The following FADS2 variants were observed in gnomAD, a reference collection of about 807,000 sequenced individuals.
FADS2 encodes the protein acyl-CoA 6-desaturase.
FADS2 carries 18 observed loss-of-function variants against 61.2 expected under a neutral mutation model. That is an observed-to-expected ratio of 0.29 (90% CI 0.20 to 0.44). The LOEUF is 0.44. Among genes scored for constraint, FADS2 ranks in the 20% least tolerant of loss-of-function variants. The pLI is 1.00. For missense variants in FADS2, 322 were observed against 572.7 expected, an observed-to-expected ratio of 0.56 and a Z score of 4.47; for synonymous variants, 203 against 223.9, an observed-to-expected ratio of 0.91 and a Z score of 0.83.
At chr11:61,828,176 G>C, upstream of FADS2, 1 of 1,413,628 alleles carries the variant, frequency 7.1e-7, no homozygotes, top group Non-Finnish European at 9.2e-7. This position sits in a 1 kb window ranked among gnomAD's most constrained non-coding sequence, Gnocchi z 6.4. Context: ...GGGGGCACTG[G>C]GAAGCCAGGG....
Position 61,857,037 on chromosome 11 carries a change from G to A in FADS2, c.771G>A (p.Leu257=). Residue 257 remains leucine, a synonymous_variant, in exon 6 of 12, where the codon CTG becomes CTA. Coordinates refer to ENST00000278840, the MANE Select transcript of FADS2 (RefSeq NM_004265.4). ...IEYGKKKLKY[L]PYNHQHEYFF... ...ACGGCAAGAAGAAGCTGAAATACCT[G>A]CCCTACAATCACCAGCACGAATACT... The A allele has an allele frequency of 6.2e-7, 1 of 1,614,042 alleles. No homozygotes were observed.
chr11:61,861,523 A>C (rs996789534), intron 7 of FADS2, among the ~76,000 whole-genome samples: 1 of 151,818 alleles, frequency 6.6e-6, no homozygotes, highest in Non-Finnish European at 1.5e-5. Context: ...TTTTGTTTCC[A>C]TATATGTGTA....
intron 7 of FADS2, chr11:61,862,004 G>A (rs1410160998): frequency 6.6e-6 from 1 of 152,244 alleles, no homozygotes; most frequent in African/African-American, 2.4e-5. Flanking sequence ...CAGTCCCTTG[G>A]CCTCACCTTC....
chr11:61,836,392 C>T (rs1257006328), intron 1 of FADS2, among the ~76,000 whole-genome samples: 3 of 150,722 alleles, frequency 2.0e-5, no homozygotes, highest in Admixed American at 2.0e-4. Flanking sequence ...GCCACTGTGC[C>T]CGGCCTGTTT....
chr11:61,829,880 C>T (rs1257523034), intron 1 of FADS2, among the ~76,000 whole-genome samples: 2 of 152,132 alleles, frequency 1.3e-5, no homozygotes, highest in Non-Finnish European at 2.9e-5. Flanking sequence ...GACCAGGCCA[C>T]CATAACCCAA....
At chr11:61,853,347 T>C (rs1348647896) in intron 5 of FADS2, among the ~76,000 whole-genome samples, 2 of 130,724 alleles carry the variant, frequency 1.5e-5, no homozygotes, top group Non-Finnish European at 3.3e-5. Flanking sequence ...CTTCTTTCTT[T>C]CTAATCTGGA....
intron 4 of FADS2, among the ~76,000 whole-genome samples, chr11:61,844,129 TTAAAG>T (rs1158614948): frequency 2.0e-5 from 3 of 152,210 alleles, no homozygotes; most frequent in African/African-American, 2.4e-5. Context: ...TTCCAGAGGA[TTAAAG>T]TAGTTAAAAA....
At chr11:61,862,567 C>T in intron 7 of FADS2, 1 of 234,214 alleles carries the variant, frequency 4.3e-6, no homozygotes, top group South Asian at 5.8e-5. Context: ...GAAGGAGATG[C>T]CAGGAGGAGA....
chr11:61,822,817 A>G (rs1197203482), intron 1 of FADS2, among the ~76,000 whole-genome samples: 2 of 152,226 alleles, frequency 1.3e-5, no homozygotes, highest in African/African-American at 4.8e-5. Context: ...CTCCCAATAT[A>G]CTTAACTTTT....
intron 1 of FADS2, among the ~76,000 whole-genome samples, chr11:61,832,185 G>GAATCA (rs2067136457): frequency 6.6e-6 from 1 of 152,178 alleles, no homozygotes; most frequent in Non-Finnish European, 1.5e-5. Context: ...TGACCTCTTA[G>GAATCA]AATCAAGGGA....
chr11:61,860,921 T>C (rs771332873), intron 7 of FADS2, among the ~76,000 whole-genome samples: 1 of 150,238 alleles, frequency 6.7e-6, no homozygotes, highest in Admixed American at 6.6e-5. Context: ...AAAATAAAAG[T>C]TGGGCCAGGG....
At chr11:61,834,857 C>T (rs1344447816) in intron 1 of FADS2, among the ~76,000 whole-genome samples, 1 of 151,958 alleles carries the variant, frequency 6.6e-6, no homozygotes, top group Non-Finnish European at 1.5e-5. Flanking sequence ...CAGGGCCTTG[C>T]TCATTTTGCA....
intron 7 of FADS2, among the ~76,000 whole-genome samples, chr11:61,859,582 C>T (rs765832821): frequency 1.3e-5 from 2 of 152,212 alleles, no homozygotes; most frequent in Non-Finnish European, 2.9e-5. Context: ...ATGAATGGCT[C>T]CATCATCCAC....
At chr11:61,826,603 A>C, upstream of FADS2, 1 of 581,224 alleles carries the variant, frequency 1.7e-6, no homozygotes, top group South Asian at 2.1e-5. Context: ...GTCTTGCTTC[A>C]TCCTCTTATT....
chr11:61,837,292 A>G (rs1213150249), intron 1 of FADS2, among the ~76,000 whole-genome samples: 1 of 152,202 alleles, frequency 6.6e-6, no homozygotes, highest in East Asian at 1.9e-4. Flanking sequence ...ACTTCATCAC[A>G]GCACATTTCC....
chr11:61,861,781 C>G (rs1321109527), intron 7 of FADS2, among the ~76,000 whole-genome samples: 1 of 152,234 alleles, frequency 6.6e-6, no homozygotes, highest in African/African-American at 2.4e-5. Context: ...AGATTCCCCA[C>G]AGCCAAGCAG....
chr11:61,846,520 C>G (rs1365394553), intron 4 of FADS2: 1 of 151,986 alleles, frequency 6.6e-6, no homozygotes, highest in Non-Finnish European at 1.5e-5. Context: ...TGTTCCCACC[C>G]ATGGCTATTA....
chr11:61,853,311 C>T (rs2067326804), intron 5 of FADS2, among the ~76,000 whole-genome samples: 1 of 129,272 alleles, frequency 7.7e-6, no homozygotes, highest in Non-Finnish European at 1.6e-5. Flanking sequence ...TTCCTTCCTT[C>T]CTTCCTTCCT....
At chr11:61,836,974 A>G (rs1035247496) in intron 1 of FADS2, among the ~76,000 whole-genome samples, 1 of 152,268 alleles carries the variant, frequency 6.6e-6, no homozygotes, top group African/African-American at 2.4e-5. Flanking sequence ...CATAATATGT[A>G]TAGAAAAAAG....
Sources: allele counts gnomAD v4.1 joint callset (sites outside exome capture counted in the v4.1 genomes callset), GRCh38; gene constraint gnomAD v4.1.1; non-coding constraint Gnocchi (gnomAD v3.1); transcripts MANE v1.5; gene names NCBI Gene and HGNC (gene_info 2026-07-23, HGNC 2026-07-21).